SMIM8: variants seen among roughly 807,000 people sequenced by gnomAD.
SMIM8 encodes the protein UPF0708 protein C6orf162.
SMIM8 carries 8 observed loss-of-function variants against 8.1 expected under a neutral mutation model. That is an observed-to-expected ratio of 0.99 (90% confidence interval 0.58 to 1.78). SMIM8 has a LOEUF of 1.78. Ranked by LOEUF, SMIM8 falls within the 40% of genes most tolerant of loss-of-function variation. The probability of loss-of-function intolerance (pLI) is 0.00; values close to 1 mark genes in which losing one functional copy is unlikely to be tolerated. For synonymous variants in SMIM8, 45 were observed against 39.7 expected (o/e 1.13, Z -0.50); for missense variants, 126 against 119.8 (o/e 1.05, Z -0.24).
chr6:87,329,693 A>G (rs1408993059), intron 1 of SMIM8, among the ~76,000 whole-genome samples: 1 of 152,174 alleles, frequency 6.6e-6, no homozygotes, highest in Non-Finnish European at 1.5e-5. Flanking sequence ...TAAATATTGT[A>G]ATATACATGC....
chr6:87,340,003 A>G (rs1436447624), intron 3 of SMIM8, 113 bp from the exon 4 acceptor site: 1 of 696,558 alleles, frequency 1.4e-6, no homozygotes, highest in Non-Finnish European at 2.3e-6. Flanking sequence ...TGCCATGGTA[A>G]TGCTAGTGTT....
At chr6:87,331,570 A>G (rs1035956844) in intron 2 of SMIM8, among the ~76,000 whole-genome samples, 2 of 152,240 alleles carry the variant, frequency 1.3e-5, no homozygotes, top group African/African-American at 2.4e-5. Context: ...GAACAAATAC[A>G]GAAGAATTTT....
At chr6:87,338,930 T>C (rs968450072) in intron 3 of SMIM8, among the ~76,000 whole-genome samples, 9 of 139,356 alleles carry the variant, frequency 6.5e-5, no homozygotes, top group Non-Finnish European at 7.7e-5. Context: ...TTTTTTTGAC[T>C]GGGCATCATG....
At position 87,327,874 on chromosome 6, in the gene SMIM8, C is replaced by T. The variant is rs558188104; in HGVS notation, c.-44-2818C>T. 5.8e-3 allele frequency among the ~76,000 whole-genome samples: 861 copies of T among 149,566 alleles called. 7 individuals are homozygous for T. Among genetic ancestry groups the T allele is most frequent in the African/African-American group, 0.02 (811 of 40,278 alleles). On this transcript the variant is annotated intron_variant, in intron 1 of 3. Transcript: ENST00000392863. Reference sequence around the variant, plus strand: ...TTTTCCAACTTGGTTCCATTCTCCCCGTCACTTTCAGGTACACCAATCAGA... The same window carrying T: ...TTTTCCAACTTGGTTCCATTCTCCCTGTCACTTTCAGGTACACCAATCAGA...
intron 2 of SMIM8, among the ~76,000 whole-genome samples, chr6:87,334,952 GTT>G (rs1278634206): frequency 6.6e-6 from 1 of 152,204 alleles, no homozygotes; most frequent in African/African-American, 2.4e-5. Context: ...TAGGGGTTGA[GTT>G]TTTCCCATTG....
chr6:87,323,477 A>G (rs1224323393), intron 1 of SMIM8, among the ~76,000 whole-genome samples: 4 of 127,966 alleles, frequency 3.1e-5, no homozygotes, highest in Non-Finnish European at 6.2e-5. Context: ...TCCTGTGTCC[A>G]TGTGTTCCCA....
intron 1 of SMIM8, among the ~76,000 whole-genome samples, chr6:87,328,603 G>T (rs1237531035): frequency 6.6e-6 from 1 of 152,304 alleles, no homozygotes; most frequent in African/African-American, 2.4e-5. Flanking sequence ...GAGGCAGTCT[G>T]CCTGTTCTCA....
intron 1 of SMIM8, among the ~76,000 whole-genome samples, chr6:87,328,977 G>T (rs1429282087): frequency 6.6e-6 from 1 of 152,172 alleles, no homozygotes; most frequent in African/African-American, 2.4e-5. Context: ...TAAGCCCGTC[G>T]GAAAAGCGCA....
chr6:87,338,008 AGT>A (rs1386149015), intron 3 of SMIM8, among the ~76,000 whole-genome samples: 16 of 152,358 alleles, frequency 1.1e-4, no homozygotes, highest in African/African-American at 3.1e-4. Context: ...TAAATATTTA[AGT>A]GTGTTGAATC....
Position 87,332,344 on chromosome 6 carries a change from A to ATAT in SMIM8, c.-24+1632_-24+1633insTAT, listed in dbSNP as rs1490339070. Among the ~76,000 whole-genome samples, 52 of 143,352 alleles carry ATAT rather than the reference A, an allele frequency of 3.6e-4. 1 individual carries two copies. The highest frequency in any genetic ancestry group is 1.6e-3 in the Admixed American group (23 of 14,550). 94.0% of individuals were successfully genotyped at this position (143,352 alleles called of 152,430 possible). On this transcript the variant is annotated intron_variant, in intron 2 of 3. Transcript: ENST00000392863. ...CCATATATGTATATATATATATATA[A>ATAT]ATGACAGCAGATCCCTTCTGAATAG...
intron 3 of SMIM8, among the ~76,000 whole-genome samples, chr6:87,339,697 C>T (rs889231649): frequency 2.6e-5 from 4 of 152,122 alleles, no homozygotes; most frequent in African/African-American, 7.2e-5. Flanking sequence ...TCCTCACTTC[C>T]TAATAAAATG....
At chr6:87,326,257 T>G (rs968548051) in intron 1 of SMIM8, among the ~76,000 whole-genome samples, 2 of 152,226 alleles carry the variant, frequency 1.3e-5, no homozygotes, top group Non-Finnish European at 2.9e-5. Context: ...TTTTAATGTC[T>G]CTATTTCCTT....
rs1424972408 is a variant in SMIM8 at position 87,324,811 on chromosome 6, A to G, written c.-45+2179A>G. Among the ~76,000 whole-genome samples, 3 of 152,210 alleles carry G rather than the reference A, an allele frequency of 2.0e-5. No individual in the cohort carries two copies. The East Asian group carries it at 5.8e-4, about 29-fold the overall frequency. ...GCTTTTTCCAATTCTATGAAGAAAG[A>G]CATTGGTAGCTTGATGGGGATGGCA... On this transcript the variant is annotated intron_variant, in intron 1 of 3. Coordinates refer to ENST00000392863, the MANE Select transcript of SMIM8 (RefSeq NM_001042493.3).
intron 3 of SMIM8, among the ~76,000 whole-genome samples, chr6:87,339,001 G>C (rs61174011): frequency 0.068 from 10,160 of 150,046 alleles, 709 homozygotes; most frequent in African/African-American, 0.18. Flanking sequence ...TTGAGGCCAG[G>C]AGTTCAACAT....
At chr6:87,337,382 T>C (rs915947754) in intron 3 of SMIM8, among the ~76,000 whole-genome samples, 3 of 152,218 alleles carry the variant, frequency 2.0e-5, no homozygotes, top group Non-Finnish European at 4.4e-5. Context: ...AGAGTTATAA[T>C]GAAAAATGGT....
intron 1 of SMIM8, among the ~76,000 whole-genome samples, chr6:87,324,502 C>T (rs1391032268): frequency 6.6e-6 from 1 of 150,456 alleles, no homozygotes; most frequent in East Asian, 1.9e-4. Flanking sequence ...AGCCAGTTTT[C>T]CCAGCACCAT....
intron 2 of SMIM8, among the ~76,000 whole-genome samples, chr6:87,334,769 C>T (rs1305718813): frequency 6.6e-6 from 1 of 152,216 alleles, no homozygotes; most frequent in African/African-American, 2.4e-5. Context: ...ACTCTCAGTG[C>T]TTCAGAAATG....
At position 87,334,561 on chromosome 6, in the gene SMIM8, C is replaced by T. The variant is rs562901687; in HGVS notation, c.-23-2448C>T. Among the ~76,000 whole-genome samples the T allele has an allele frequency of 3.3e-5, 5 of 152,248 alleles. No individual in the cohort carries two copies. The South Asian group carries it at 1.0e-3, about 32-fold the overall frequency. ...TCAAGCAGTCCTTCTACCTCTTCCT[C>T]CCAAAATAGTGGGATTACAGGTGTG... On this transcript the variant is annotated intron_variant, in intron 2 of 3. Coordinates refer to ENST00000392863, the MANE Select transcript of SMIM8 (RefSeq NM_001042493.3).
chr6:87,338,568 C>T (rs897241049), intron 3 of SMIM8, among the ~76,000 whole-genome samples: 4 of 152,114 alleles, frequency 2.6e-5, no homozygotes, highest in Non-Finnish European at 1.5e-5. Context: ...TTGTGTCAGT[C>T]CAGAGCCCAC....
Sources: allele counts gnomAD v4.1 joint callset (sites outside exome capture counted in the v4.1 genomes callset), GRCh38; gene constraint gnomAD v4.1.1; transcripts MANE v1.5; gene names NCBI Gene and HGNC (gene_info 2026-07-23, HGNC 2026-07-21).